PDE8A: variants seen among roughly 807,000 people sequenced by gnomAD.
The protein encoded by PDE8A is high affinity cAMP-specific and IBMX-insensitive 3',5'-cyclic phosphodiesterase 8A.
In PDE8A, 59 loss-of-function variants were observed where a neutral mutation model predicts 105.0. That is an observed-to-expected ratio of 0.56 (90% CI 0.46 to 0.70). The LOEUF is 0.70. Among genes scored for constraint, PDE8A ranks in the 30% least tolerant of loss-of-function variants. The pLI is 0.00. For missense variants in PDE8A, 1,014 were observed against 1,045.9 expected, an observed-to-expected ratio of 0.97 and a Z score of 0.42; for synonymous variants, 355 against 371.9, an observed-to-expected ratio of 0.95 and a Z score of 0.52.
At chr15:85,071,548 C>T (rs1242119608) in intron 3 of PDE8A, among the ~76,000 whole-genome samples, 3 of 152,204 alleles carry the variant, frequency 2.0e-5, no homozygotes, top group South Asian at 2.1e-4. Flanking sequence ...CATCAGTTCT[C>T]AGGTTCAGTT....
At chr15:85,107,929 G>A (rs2081969342) in intron 11 of PDE8A, among the ~76,000 whole-genome samples, 2 of 152,134 alleles carry the variant, frequency 1.3e-5, no homozygotes, top group South Asian at 4.1e-4. Context: ...GGGGTACTGA[G>A]GAAGGAGGAA....
At chr15:85,097,575 A>G (rs1009394051) in intron 8 of PDE8A, among the ~76,000 whole-genome samples, 6 of 152,134 alleles carry the variant, frequency 3.9e-5, no homozygotes, top group Non-Finnish European at 7.4e-5. Flanking sequence ...CAGTCTGGCT[A>G]TTCTTCCCCT....
rs551872511 is a variant in PDE8A at position 85,011,421 on chromosome 15, T to C, written c.186+29073T>C. On this transcript the variant is annotated intron_variant, in intron 1 of 21. Coordinates refer to ENST00000394553, the MANE Select transcript of PDE8A (RefSeq NM_002605.3). ...TTGACCTTTGGCAAGTTTCATAACC[T>C]TTCGGGGCCCTAGCTTTTTCTTATT... Among the ~76,000 whole-genome samples, 43 of 152,288 alleles carry C rather than the reference T, an allele frequency of 2.8e-4. No individual in the cohort carries two copies. In the East Asian group the frequency reaches 7.7e-3, roughly 27 times the overall value.
chr15:85,003,241 A>G (rs937973151), intron 1 of PDE8A, among the ~76,000 whole-genome samples: 2 of 152,212 alleles, frequency 1.3e-5, no homozygotes, highest in Admixed American at 6.5e-5. Flanking sequence ...TTTCCCTGTC[A>G]TTGGTGCCAT....
intron 20 of PDE8A, among the ~76,000 whole-genome samples, chr15:85,131,837 T>C (rs765328899): frequency 5.9e-5 from 9 of 152,182 alleles, no homozygotes; most frequent in Non-Finnish European, 1.3e-4. Context: ...TAATTCCTCT[T>C]TTTTGCAGGA....
intron 1 of PDE8A, among the ~76,000 whole-genome samples, chr15:84,987,052 G>A (rs1429973941): frequency 6.6e-6 from 1 of 152,168 alleles, no homozygotes; most frequent in Non-Finnish European, 1.5e-5. Flanking sequence ...CTTTGAAAGT[G>A]TAGTTGAGAA....
rs978942682 is a variant in PDE8A, at chr15:85,113,986, T to C, written c.1299T>C (p.Gly433=). ...CTGAGTTATATTCACCACAGTTTGG[T>C]GCTAAAGATGATGATCCCCATGCCA... ...RTTELYSPQF[G]AKDDDPHAND... The change falls in exon 14 of 22, where the codon GGT becomes GGC. Residue 433 remains glycine, a synonymous_variant. Coordinates refer to ENST00000394553, the MANE Select transcript of PDE8A (RefSeq NM_002605.3). 1 of 1,614,020 alleles carries C rather than the reference T, an allele frequency of 6.2e-7. No individual in the cohort carries two copies. Among genetic ancestry groups the C allele is most frequent in the African/African-American group, 1.3e-5 (1 of 75,060 alleles).
intron 1 of PDE8A, chr15:85,063,787 A>G (rs1429926348): frequency 6.6e-6 from 1 of 152,620 alleles, no homozygotes; most frequent in African/African-American, 2.4e-5. Context: ...TTTGGTTATG[A>G]TATTACATTT....
At chr15:85,056,640 G>A (rs1016723962) in intron 1 of PDE8A, among the ~76,000 whole-genome samples, 1 of 152,168 alleles carries the variant, frequency 6.6e-6, no homozygotes, top group African/African-American at 2.4e-5. Flanking sequence ...TAGTTCTCAT[G>A]TCATGGTTTT....
Position 85,138,804 on chromosome 15 carries a change from A to AAGTT in PDE8A, c.*904_*907dup, listed in dbSNP as rs916097242. 9.2e-5 allele frequency: 14 copies of AAGTT among 152,366 alleles called. No homozygotes were observed. The highest frequency in any genetic ancestry group is 2.2e-4 in the African/African-American group (9 of 41,582). The allele number at this position is 152,366 out of a possible 1,614,324, so 9.4% of individuals were successfully genotyped here. A position where few individuals can be genotyped will look rare whatever the true frequency, so the allele number is the denominator to read the frequency against. On this transcript the variant is annotated 3_prime_UTR_variant, in exon 22 of 22. Coordinates refer to ENST00000394553, the MANE Select transcript of PDE8A (RefSeq NM_002605.3). ...GACTCTCTTGTTGGTTCGCAAAGAA[A>AAGTT]AGTTAGGACTTAACACTTTTTTCTA...
rs922968050 is a variant in PDE8A, at chr15:85,115,434, A to G, written c.1351-5A>G. On this transcript the variant is annotated splice_polypyrimidine_tract_variant and splice_region_variant and intron_variant, in intron 14 of 21. Coordinates refer to ENST00000394553, the MANE Select transcript of PDE8A (RefSeq NM_002605.3). The stretch of plus-strand genomic sequence containing the variant: ...TCTTTTTCTTGTTTCCTTGATTTTT[A>G]TCAGGATGGTTTGCGAAGACTATCA... 1 of 1,536,056 alleles carries G rather than the reference A, an allele frequency of 6.5e-7. No homozygotes were observed. The highest frequency in any genetic ancestry group is 1.4e-5 in the African/African-American group (1 of 70,826).
At chr15:85,110,592 G>A (rs552870987) in intron 12 of PDE8A, among the ~76,000 whole-genome samples, 4 of 152,240 alleles carry the variant, frequency 2.6e-5, no homozygotes, top group East Asian at 1.9e-4. Context: ...TCATGTTTTC[G>A]AGGTTCTTCC....
chr15:85,034,957 A>G (rs554220267), intron 1 of PDE8A, among the ~76,000 whole-genome samples: 1 of 152,216 alleles, frequency 6.6e-6, no homozygotes, highest in African/African-American at 2.4e-5. Context: ...ACAAAATATC[A>G]GTTATCTTAA....
chr15:85,047,483 G>A (rs2080905140), intron 1 of PDE8A, among the ~76,000 whole-genome samples: 1 of 152,182 alleles, frequency 6.6e-6, no homozygotes, highest in Non-Finnish European at 1.5e-5. Context: ...CCGTAGACAG[G>A]ATGTAAGGTT....
At chr15:85,094,195 C>T (rs1300490173) in intron 8 of PDE8A, among the ~76,000 whole-genome samples, 1 of 151,980 alleles carries the variant, frequency 6.6e-6, no homozygotes, top group Non-Finnish European at 1.5e-5. Flanking sequence ...TTTTTCCCTC[C>T]CTCAGAAACT....
intron 12 of PDE8A, among the ~76,000 whole-genome samples, chr15:85,112,819 T>G (rs117661294): frequency 2.0e-5 from 3 of 152,148 alleles, no homozygotes; most frequent in Non-Finnish European, 2.9e-5. Context: ...CAACAGAAAT[T>G]AACAAACTTT....
At chr15:85,067,521 CA>C (rs1316459232) in intron 3 of PDE8A, among the ~76,000 whole-genome samples, 1 of 152,046 alleles carries the variant, frequency 6.6e-6, no homozygotes, top group Non-Finnish European at 1.5e-5. Context: ...AGATTGTTTT[CA>C]AAGTTTTAAA....
chr15:85,125,822 A>G (rs78825928), intron 19 of PDE8A, among the ~76,000 whole-genome samples: 1 of 152,264 alleles, frequency 6.6e-6, no homozygotes, highest in East Asian at 1.9e-4. Context: ...ACTCTTTTTT[A>G]ATAAATATAA....
chr15:85,024,160 C>T (rs2080473732), intron 1 of PDE8A, among the ~76,000 whole-genome samples: 1 of 152,148 alleles, frequency 6.6e-6, no homozygotes, highest in African/African-American at 2.4e-5. Flanking sequence ...TTTCTTGAAC[C>T]CTCTGATCCG....
Sources: allele counts gnomAD v4.1 joint callset (sites outside exome capture counted in the v4.1 genomes callset), GRCh38; gene constraint gnomAD v4.1.1; transcripts MANE v1.5; gene names NCBI Gene and HGNC (gene_info 2026-07-23, HGNC 2026-07-21).